The following ERBB4 variants were observed in gnomAD, a reference collection of about 807,000 sequenced individuals.
ERBB4 encodes the protein receptor tyrosine-protein kinase erbB-4.
Under a neutral mutation model 158.0 loss-of-function variants are expected in ERBB4, and 42 were observed. The observed-to-expected ratio is 0.27, with a 90% confidence interval of 0.21 to 0.34. The LOEUF is 0.34. Ranked by LOEUF, ERBB4 falls within the 10% of genes least tolerant of loss-of-function variation. ERBB4 has a pLI of 1.00. For synonymous variants in ERBB4, 583 were observed against 558.7 expected, an observed-to-expected ratio of 1.04 and a Z score of -0.61; for missense variants, 1,333 against 1,624.1, an observed-to-expected ratio of 0.82 and a Z score of 3.08.
At chr2:212,304,313 T>C (rs1260256667) in intron 1 of ERBB4, among the ~76,000 whole-genome samples, 3 of 151,654 alleles carry the variant, frequency 2.0e-5, no homozygotes, top group Admixed American at 6.6e-5. Flanking sequence ...CATTCCAAAC[T>C]ATACCTGAAT....
chr2:211,925,799 T>A (rs940506273), intron 3 of ERBB4, among the ~76,000 whole-genome samples: 9 of 152,204 alleles, frequency 5.9e-5, no homozygotes, highest in African/African-American at 9.7e-5. Context: ...AAAGAAGGAT[T>A]GTGTAGGAAG....
At chr2:212,413,020 T>A (rs1033291736) in intron 1 of ERBB4, among the ~76,000 whole-genome samples, 4 of 151,902 alleles carry the variant, frequency 2.6e-5, no homozygotes. Flanking sequence ...CAGACTGGAG[T>A]GCAGTGGTGC....
intron 2 of ERBB4, among the ~76,000 whole-genome samples, chr2:211,978,985 C>A (rs1334330430): frequency 6.6e-6 from 1 of 152,010 alleles, no homozygotes; most frequent in Admixed American, 6.5e-5. Flanking sequence ...AAAAGTGAAA[C>A]AAAACATTAA....
At position 212,134,198 on chromosome 2, in the gene ERBB4, T is replaced by G. The variant is rs1010337759; in HGVS notation, c.83-9295A>C. Among the ~76,000 whole-genome samples, 8 of 152,100 alleles carry G rather than the reference T, an allele frequency of 5.3e-5. No homozygotes were observed. The South Asian group carries it at 1.2e-3, about 24-fold the overall frequency. ...GCTTTTGCAGTTTTGAGAAGTTTTTTTTTAATCTTATTAGGGTAAATTATT... is the reference window on the plus strand; with the variant it reads ...GCTTTTGCAGTTTTGAGAAGTTTTTGTTTAATCTTATTAGGGTAAATTATT... On this transcript the variant is annotated intron_variant, in intron 1 of 27. Transcript: ENST00000342788.
intron 3 of ERBB4, among the ~76,000 whole-genome samples, chr2:211,892,079 C>T (rs2078983464): frequency 1.8e-5 from 2 of 111,520 alleles, no homozygotes; most frequent in Non-Finnish European, 1.8e-5. Context: ...CATTCTGATA[C>T]CAAAGCCGGG....
At chr2:212,250,594 G>A (rs2084494152) in intron 1 of ERBB4, among the ~76,000 whole-genome samples, 1 of 151,912 alleles carries the variant, frequency 6.6e-6, no homozygotes, top group African/African-American at 2.4e-5. Flanking sequence ...TCAGACAAAT[G>A]TAAAATGATA....
At position 211,874,261 on chromosome 2, in the gene ERBB4, C is replaced by T. The variant is rs78693351; in HGVS notation, c.421+73169G>A. Among the ~76,000 whole-genome samples the T allele has an allele frequency of 3.3e-5, 5 of 152,214 alleles. No individual in the cohort carries two copies. The East Asian group carries it at 7.7e-4, about 24-fold the overall frequency. ...ACAAAATAGAATATTTTGATAGCAG[C>T]CTCTAGTTCCTTTATACTCAGCCAA... On this transcript the variant is annotated intron_variant, in intron 3 of 27. Transcript: ENST00000342788.
At chr2:212,227,824 TA>T (rs879924492) in intron 1 of ERBB4, among the ~76,000 whole-genome samples, 3,043 of 142,334 alleles carry the variant, frequency 0.021, 96 homozygotes, top group African/African-American at 0.072. Flanking sequence ...CTGTCCAGTA[TA>T]AAAAAAAAAA....
At chr2:212,495,743 C>T (rs544037822) in intron 1 of ERBB4, among the ~76,000 whole-genome samples, 1 of 152,016 alleles carries the variant, frequency 6.6e-6, no homozygotes, top group Non-Finnish European at 1.5e-5. Context: ...AAATCAGATC[C>T]CTTAAATTAC....
intron 1 of ERBB4, among the ~76,000 whole-genome samples, chr2:212,144,116 TGATTTAGTAA>T (rs1403723410): frequency 6.6e-6 from 1 of 152,164 alleles, no homozygotes; most frequent in Non-Finnish European, 1.5e-5. Context: ...AAACTGTGGC[TGATTTAGTAA>T]GATTGCACAC....
intron 1 of ERBB4, among the ~76,000 whole-genome samples, chr2:212,464,276 T>C (rs759273612): frequency 2.6e-4 from 40 of 152,284 alleles, no homozygotes; most frequent in Middle Eastern, 3.4e-3. Context: ...ACAAAAAATA[T>C]TGGTATAATT....
Position 211,392,729 on chromosome 2 carries a change from C to T in ERBB4, c.3136-4737G>A, listed in dbSNP as rs181353268. Among the ~76,000 whole-genome samples the T allele has an allele frequency of 7.7e-3, 1,171 of 152,094 alleles. 7 individuals carry two copies. Among genetic ancestry groups the T allele is most frequent in the Middle Eastern group, 0.02 (6 of 294 alleles). On this transcript the variant is annotated intron_variant, in intron 25 of 27. Transcript: ENST00000342788. ...TGTTGCCCAGGCTGGAGTGCAGTGG[C>T]GTGATCTCGGCTCACTGCAGTCTCT...
intron 2 of ERBB4, among the ~76,000 whole-genome samples, chr2:212,058,091 A>G (rs545652708): frequency 6.6e-6 from 1 of 152,352 alleles, no homozygotes; most frequent in East Asian, 1.9e-4. Context: ...GACGCAATAA[A>G]AAATGATAAA....
intron 1 of ERBB4, among the ~76,000 whole-genome samples, chr2:212,530,663 C>T (rs889612644): frequency 2.6e-5 from 4 of 152,128 alleles, no homozygotes; most frequent in African/African-American, 9.7e-5. Context: ...CATGAGATAA[C>T]CCCAGCAGAG....
intron 2 of ERBB4, among the ~76,000 whole-genome samples, chr2:212,115,413 T>G (rs140362533): frequency 6.6e-6 from 1 of 152,162 alleles, no homozygotes; most frequent in Non-Finnish European, 1.5e-5. Context: ...GTAGTATATT[T>G]TGAAATTTTG....
intron 2 of ERBB4, among the ~76,000 whole-genome samples, chr2:212,059,330 T>C (rs1051328429): frequency 2.6e-5 from 4 of 152,130 alleles, no homozygotes; most frequent in Admixed American, 2.6e-4. Context: ...TTCTCATGGA[T>C]AGGAAGAATC....
chr2:211,664,027 T>C (rs1559394384), intron 15 of ERBB4, among the ~76,000 whole-genome samples: 2 of 152,158 alleles, frequency 1.3e-5, no homozygotes, highest in Non-Finnish European at 2.9e-5. Flanking sequence ...TACGTGCTTA[T>C]ATGTGAACCA....
chr2:212,326,719 G>A (rs768745784), intron 1 of ERBB4, among the ~76,000 whole-genome samples: 9 of 150,748 alleles, frequency 6.0e-5, no homozygotes, highest in African/African-American at 1.7e-4. Flanking sequence ...ACATGTTCAC[G>A]ACACAGCTGC....
chr2:212,174,806 C>T (rs964095729), intron 1 of ERBB4, among the ~76,000 whole-genome samples: 10 of 152,034 alleles, frequency 6.6e-5, no homozygotes, highest in African/African-American at 2.4e-4. Context: ...CAATTCCCAA[C>T]ACCGCTCTCT....
Sources: gnomAD v4.1 joint callset for allele counts (sites outside exome capture counted in the v4.1 genomes callset) on GRCh38, gnomAD v4.1.1 for gene constraint, MANE v1.5 for transcripts, NCBI Gene and HGNC (gene_info 2026-07-23, HGNC 2026-07-21) for gene names.